Variants in VPS13B observed in about 807,000 individuals in gnomAD.
VPS13B encodes the protein vacuolar protein sorting 13 homolog B.
Under a neutral mutation model 426.4 loss-of-function variants are expected in VPS13B, and 285 were observed. The observed-to-expected ratio is 0.67, with a 90% CI of 0.61 to 0.74. The LOEUF is 0.74. VPS13B is among the 30% of genes least tolerant of loss of function. VPS13B has a pLI of 0.00. For missense variants in VPS13B, 4,537 were observed against 4,782.6 expected, an observed-to-expected ratio of 0.95 and a Z score of 1.51; for synonymous variants, 1,676 against 1,676.4, an observed-to-expected ratio of 1.00 and a Z score of 0.01.
intron 19 of VPS13B, among the ~76,000 whole-genome samples, chr8:99,278,600 C>CT: frequency 6.6e-6 from 1 of 152,322 alleles, no homozygotes; most frequent in Middle Eastern, 3.4e-3. Context: ...CTTGGAACTT[C>CT]TAACTATACA....
intron 3 of VPS13B, among the ~76,000 whole-genome samples, chr8:99,060,561 A>G (rs1844126640): frequency 6.6e-6 from 1 of 151,658 alleles, no homozygotes; most frequent in African/African-American, 2.4e-5. Context: ...GTGAGCCGAG[A>G]TCACACTACT....
chr8:99,431,910 T>A (rs567005122), intron 22 of VPS13B, among the ~76,000 whole-genome samples: 16 of 152,244 alleles, frequency 1.1e-4, no homozygotes, highest in African/African-American at 3.6e-4. Flanking sequence ...TTAAAAAATT[T>A]TAGTTCATTC....
chr8:99,141,619 T>C (rs1416850410), intron 12 of VPS13B, among the ~76,000 whole-genome samples: 1 of 152,188 alleles, frequency 6.6e-6, no homozygotes. Context: ...TTACAAAATA[T>C]GTATAAGATT....
chr8:99,798,676 C>G (rs538179577), intron 43 of VPS13B, among the ~76,000 whole-genome samples: 1 of 152,286 alleles, frequency 6.6e-6, no homozygotes, highest in East Asian at 1.9e-4. Context: ...CTAATGGTCT[C>G]TCTCTTCCTC....
intron 4 of VPS13B, among the ~76,000 whole-genome samples, chr8:99,098,241 A>G (rs1846530903): frequency 6.6e-6 from 1 of 152,122 alleles, no homozygotes; most frequent in Admixed American, 6.5e-5. Context: ...TTATGGCTTC[A>G]GTCACTGGGA....
intron 19 of VPS13B, among the ~76,000 whole-genome samples, chr8:99,333,774 T>A (rs1314994680): frequency 6.6e-6 from 1 of 151,984 alleles, no homozygotes; most frequent in Non-Finnish European, 1.5e-5. Flanking sequence ...AGTCATGTAA[T>A]ATATAACCTT....
At chr8:99,063,386 T>C (rs1018959224) in intron 3 of VPS13B, among the ~76,000 whole-genome samples, 4 of 152,210 alleles carry the variant, frequency 2.6e-5, no homozygotes, top group African/African-American at 9.6e-5. Flanking sequence ...ACTTTTCCAA[T>C]AGTCTTAGCA....
intron 61 of VPS13B, among the ~76,000 whole-genome samples, chr8:99,872,191 G>A (rs1222093941): frequency 1.3e-5 from 2 of 152,178 alleles, no homozygotes; most frequent in Admixed American, 6.5e-5. Context: ...CTGGAGGTCT[G>A]TGGGTGCTGG....
At chr8:99,078,743 G>A (rs1375647729) in intron 3 of VPS13B, among the ~76,000 whole-genome samples, 3 of 152,140 alleles carry the variant, frequency 2.0e-5, no homozygotes, top group Non-Finnish European at 4.4e-5. Context: ...TAGCAATAGC[G>A]GTGGCAGGCC....
At chr8:99,848,429 C>T (rs4434590) in intron 54 of VPS13B, among the ~76,000 whole-genome samples, 37,877 of 151,838 alleles carry the variant, frequency 0.25, 5,981 homozygotes, top group African/African-American at 0.45. Flanking sequence ...TAGTTTTTTT[C>T]CCACAAAGAT....
intron 19 of VPS13B, among the ~76,000 whole-genome samples, chr8:99,323,235 C>A (rs193294912): frequency 6.6e-6 from 1 of 152,122 alleles, no homozygotes; most frequent in Non-Finnish European, 1.5e-5. Context: ...AGCTGCATGA[C>A]GGTAATTACA....
intron 21 of VPS13B, among the ~76,000 whole-genome samples, chr8:99,422,469 A>C (rs1465812567): frequency 3.3e-5 from 5 of 152,154 alleles, no homozygotes; most frequent in Non-Finnish European, 7.4e-5. Context: ...CTCATATAGT[A>C]CTAATATTTT....
intron 29 of VPS13B, among the ~76,000 whole-genome samples, chr8:99,516,974 A>C (rs1433542714): frequency 6.6e-6 from 1 of 152,132 alleles, no homozygotes; most frequent in Non-Finnish European, 1.5e-5. Context: ...AACCAAATGC[A>C]ACTAAACTTT....
intron 54 of VPS13B, among the ~76,000 whole-genome samples, chr8:99,836,671 T>A (rs187755614): frequency 1.3e-5 from 2 of 152,254 alleles, no homozygotes; most frequent in Admixed American, 6.5e-5. Context: ...TATTAGTTCA[T>A]CTGGTCTTCA....
chr8:99,272,643 T>A (rs924782486), intron 17 of VPS13B, among the ~76,000 whole-genome samples: 1 of 152,186 alleles, frequency 6.6e-6, no homozygotes, highest in Admixed American at 6.5e-5. Flanking sequence ...AATGAGGTTC[T>A]CCCTTTTGAT....
chr8:99,512,964 G>T (rs1821871578), intron 29 of VPS13B, among the ~76,000 whole-genome samples: 1 of 150,574 alleles, frequency 6.6e-6, no homozygotes, highest in South Asian at 2.1e-4. Context: ...AGCCAAGATA[G>T]TGCCATTGCA....
At chr8:99,441,983 TA>T (rs779820183) in intron 22 of VPS13B, among the ~76,000 whole-genome samples, 1 of 152,076 alleles carries the variant, frequency 6.6e-6, no homozygotes, top group Non-Finnish European at 1.5e-5. Context: ...GTCTGTAAAG[TA>T]AAAATGGAAG....
chr8:99,660,352 C>G (rs1349081891), intron 34 of VPS13B, among the ~76,000 whole-genome samples: 2 of 152,140 alleles, frequency 1.3e-5, no homozygotes, highest in Non-Finnish European at 2.9e-5. Flanking sequence ...TATGTAAATA[C>G]TATTCTTGAA....
chr8:99,819,621 C>A, intron 48 of VPS13B, 39 bp downstream of exon 48: 3 of 1,598,574 alleles, frequency 1.9e-6, no homozygotes, highest in East Asian at 2.3e-5. Flanking sequence ...AAAAATTTCT[C>A]AACATTAACA....
Sources: allele counts gnomAD v4.1 joint callset (sites outside exome capture counted in the v4.1 genomes callset), GRCh38; gene constraint gnomAD v4.1.1; transcripts MANE v1.5; gene names NCBI Gene and HGNC (gene_info 2026-07-23, HGNC 2026-07-21).